The following RPS6KA5 variants were observed in gnomAD, a reference collection of about 807,000 sequenced individuals.
The protein encoded by RPS6KA5 is ribosomal protein S6 kinase alpha-5.
Under a neutral mutation model 85.5 loss-of-function variants are expected in RPS6KA5, and 27 were observed. That is an observed-to-expected ratio of 0.32 (90% CI 0.23 to 0.44). The LOEUF is 0.44. RPS6KA5 is among the 20% of genes least tolerant of loss of function. The pLI, the probability that RPS6KA5 is intolerant of heterozygous loss-of-function variation, is 1.00. For missense variants in RPS6KA5, 811 were observed against 980.9 expected (o/e 0.83, Z 2.31); for synonymous variants, 334 against 348.2 (o/e 0.96, Z 0.46).
rs1297638230 is a variant in RPS6KA5, at chr14:90,866,161, T to C, written c.*5913A>G. The C allele has an allele frequency of 6.6e-6, 1 of 152,068 alleles. No individual in the cohort carries two copies. Among genetic ancestry groups the C allele is most frequent in the Non-Finnish European group, 1.5e-5 (1 of 68,040 alleles). 9.4% of individuals were successfully genotyped at this position (152,068 alleles called of 1,614,324 possible). On this transcript the variant is annotated 3_prime_UTR_variant, in exon 17 of 17. Transcript: ENST00000614987. ...CGAGAAAAAGTGCATGTACGGAGTA[T>C]GGGATGAACTGATGCAGTTAAGGAA...
intron 5 of RPS6KA5, among the ~76,000 whole-genome samples, chr14:90,935,765 C>G (rs77244266): frequency 0.14 from 20,817 of 152,094 alleles, 1,735 homozygotes; most frequent in East Asian, 0.32. Flanking sequence ...TCTTCTGAAC[C>G]TTAAAGTTGT....
rs549649747 is a variant in RPS6KA5, at chr14:90,906,845, A to C, written c.807-546T>G. On this transcript the variant is annotated intron_variant, in intron 7 of 16. Coordinates refer to ENST00000614987, the MANE Select transcript of RPS6KA5 (RefSeq NM_004755.4). Reference sequence around the variant, plus strand: ...CCACTTGGAGATGGTTCAACCCTTGATATCTAGAAATGGGCACTACAGCTG... The same window carrying C: ...CCACTTGGAGATGGTTCAACCCTTGCTATCTAGAAATGGGCACTACAGCTG... Among the ~76,000 whole-genome samples the C allele has an allele frequency of 2.2e-3, 342 of 152,098 alleles. 1 individual carries two copies. In the South Asian group the frequency reaches 0.026, roughly 11 times the overall value.
chr14:90,926,618 TAAAAAG>T (rs1449433945), intron 5 of RPS6KA5, among the ~76,000 whole-genome samples: 3 of 150,730 alleles, frequency 2.0e-5, no homozygotes, highest in Non-Finnish European at 4.4e-5. Flanking sequence ...TACTTTACAA[TAAAAAG>T]AGAGACATAT....
At position 90,872,332 on chromosome 14, in the gene RPS6KA5, G is replaced by GA. The variant is rs761099164; in HGVS notation, c.2161-11dup. ...TGTATTTGTTAAAGGCCTGGCGGGGGAAAAAAAGGGAACCCCTGTGAAGGT... is the reference window on the plus strand; with the variant it reads ...TGTATTTGTTAAAGGCCTGGCGGGGGAAAAAAAAGGGAACCCCTGTGAAGGT... On this transcript the variant is annotated splice_polypyrimidine_tract_variant and intron_variant, in intron 16 of 16. Coordinates refer to ENST00000614987, the MANE Select transcript of RPS6KA5 (RefSeq NM_004755.4). 3.8e-6 allele frequency: 6 copies of GA among 1,587,094 alleles called. No homozygotes were observed. Among genetic ancestry groups the GA allele is most frequent in the South Asian group, 3.5e-5 (3 of 86,338 alleles).
chr14:90,947,385 C>A (rs778051022), intron 4 of RPS6KA5, 50 bp downstream of exon 4: 10 of 971,188 alleles, frequency 1.0e-5, no homozygotes, highest in South Asian at 9.8e-5. Flanking sequence ...TCCATTATTA[C>A]CTTAGTTAAC....
intron 7 of RPS6KA5, among the ~76,000 whole-genome samples, chr14:90,914,163 C>T (rs996668298): frequency 6.6e-6 from 1 of 150,972 alleles, no homozygotes; most frequent in Non-Finnish European, 1.5e-5. Context: ...ACAGAGGTGG[C>T]GGCAAAGAAT....
chr14:91,040,641 G>C (rs2042571665), intron 1 of RPS6KA5, among the ~76,000 whole-genome samples: 1 of 152,022 alleles, frequency 6.6e-6, no homozygotes, highest in Non-Finnish European at 1.5e-5. Flanking sequence ...TGCTTTCCCA[G>C]GAAGAATGCA....
At chr14:90,922,093 T>G (rs2036427142) in intron 6 of RPS6KA5, among the ~76,000 whole-genome samples, 1 of 152,136 alleles carries the variant, frequency 6.6e-6, no homozygotes, top group Non-Finnish European at 1.5e-5. Context: ...ACTCAGGATT[T>G]TTTCTTTCAC....
intron 14 of RPS6KA5, among the ~76,000 whole-genome samples, chr14:90,882,814 A>G (rs913364814): frequency 1.4e-5 from 2 of 146,904 alleles, no homozygotes; most frequent in African/African-American, 2.5e-5. Context: ...TCAAGATTCT[A>G]TTTTTTTTTT....
chr14:90,892,552 TG>T (rs1454918693), intron 13 of RPS6KA5, among the ~76,000 whole-genome samples: 6 of 152,194 alleles, frequency 3.9e-5, no homozygotes, highest in African/African-American at 1.4e-4. Context: ...ACAAATTGGA[TG>T]TATGCAACTT....
intron 12 of RPS6KA5, among the ~76,000 whole-genome samples, chr14:90,896,043 G>GAATA (rs1348265462): frequency 6.6e-6 from 1 of 152,162 alleles, no homozygotes; most frequent in Non-Finnish European, 1.5e-5. Flanking sequence ...GCAAAACTCA[G>GAATA]AATAAACTGC....
intron 1 of RPS6KA5, among the ~76,000 whole-genome samples, chr14:91,039,105 A>G (rs894715873): frequency 6.6e-6 from 1 of 152,194 alleles, no homozygotes; most frequent in African/African-American, 2.4e-5. Flanking sequence ...TCCTAGAGCT[A>G]TCAATTAACC....
intron 1 of RPS6KA5, among the ~76,000 whole-genome samples, chr14:91,042,139 G>A (rs2042629961): frequency 6.6e-6 from 1 of 152,226 alleles, no homozygotes. Context: ...CTTTCAGTAA[G>A]TTGTTCTATA....
intron 1 of RPS6KA5, among the ~76,000 whole-genome samples, chr14:91,005,260 T>C (rs2040968462): frequency 1.3e-5 from 2 of 152,242 alleles, no homozygotes; most frequent in South Asian, 2.1e-4. Context: ...ATCTTCACAG[T>C]GTGGGCTGTA....
intron 9 of RPS6KA5, among the ~76,000 whole-genome samples, chr14:90,901,815 C>CT (rs111767790): frequency 0.065 from 9,948 of 152,106 alleles, 544 homozygotes; most frequent in African/African-American, 0.15. Flanking sequence ...AAATCTAAAT[C>CT]TTTTTTTAAC....
chr14:90,969,316 G>GCA (rs1254500024), intron 3 of RPS6KA5, among the ~76,000 whole-genome samples: 1 of 152,164 alleles, frequency 6.6e-6, no homozygotes, highest in Non-Finnish European at 1.5e-5. Flanking sequence ...ACATACTGTT[G>GCA]CACAGTTTCA....
At chr14:90,900,331 T>C (rs528393327) in intron 10 of RPS6KA5, 90 bp from the exon 11 acceptor site, 1 of 923,060 alleles carries the variant, frequency 1.1e-6, no homozygotes, top group South Asian at 2.8e-5. Context: ...AAATTATTAA[T>C]ATTAATAAAC....
chr14:90,933,545 T>A (rs895978276), intron 5 of RPS6KA5, among the ~76,000 whole-genome samples: 2 of 152,194 alleles, frequency 1.3e-5, no homozygotes, highest in Non-Finnish European at 2.9e-5. Flanking sequence ...CTAGGCCAGT[T>A]CCATCTCTTG....
chr14:90,911,463 C>T (rs1056208234), intron 7 of RPS6KA5: 6 of 152,186 alleles, frequency 3.9e-5, no homozygotes, highest in Admixed American at 2.0e-4. Context: ...CATGACTTAA[C>T]GTTCTTGACT....
Sources: allele counts gnomAD v4.1 joint callset (sites outside exome capture counted in the v4.1 genomes callset), GRCh38; gene constraint gnomAD v4.1.1; transcripts MANE v1.5; gene names NCBI Gene and HGNC (gene_info 2026-07-23, HGNC 2026-07-21).